Variants in PDE11A observed in about 807,000 individuals in gnomAD.
The protein encoded by PDE11A is phosphodiesterase 11A.
In PDE11A, 100 loss-of-function variants were observed where a neutral mutation model predicts 100.5. The observed-to-expected ratio is 1.00, with a 90% CI of 0.85 to 1.18. The LOEUF (loss-of-function observed/expected upper bound fraction) is 1.18, where lower values mean the gene tolerates loss of function less well. Ranked by LOEUF, PDE11A falls within the 50% of genes most tolerant of loss-of-function variation. The probability of loss-of-function intolerance (pLI) is 0.00; values close to 1 mark genes in which losing one functional copy is unlikely to be tolerated. For synonymous variants in PDE11A, 381 were observed against 420.8 expected, an observed-to-expected ratio of 0.91 and a Z score of 1.16; for missense variants, 1,141 against 1,152.6, an observed-to-expected ratio of 0.99 and a Z score of 0.15.
At chr2:178,052,318 GAACA>G (rs2086839137) in intron 1 of PDE11A, among the ~76,000 whole-genome samples, 1 of 152,200 alleles carries the variant, frequency 6.6e-6, no homozygotes, top group African/African-American at 2.4e-5. Flanking sequence ...AAACCAGTGA[GAACA>G]AAGACACAAC....
intron 2 of PDE11A, among the ~76,000 whole-genome samples, chr2:177,922,212 C>T (rs1017610586): frequency 1.3e-5 from 2 of 152,036 alleles, no homozygotes; most frequent in African/African-American, 4.8e-5. Context: ...TATTTCTAAC[C>T]CAGGTTACCC....
chr2:177,840,587 A>C (rs1042409817), intron 5 of PDE11A, among the ~76,000 whole-genome samples: 2 of 152,224 alleles, frequency 1.3e-5, no homozygotes, highest in African/African-American at 4.8e-5. Context: ...AATTAAATCC[A>C]TGGGCAGAAA....
At chr2:177,652,738 A>G (rs1186984991) in intron 19 of PDE11A, among the ~76,000 whole-genome samples, 1 of 152,194 alleles carries the variant, frequency 6.6e-6, no homozygotes, top group African/African-American at 2.4e-5. Flanking sequence ...CTAGAAACTA[A>G]TAGAGAAGAA....
chr2:177,697,854 T>G (rs1187203760), intron 14 of PDE11A, among the ~76,000 whole-genome samples: 1 of 152,238 alleles, frequency 6.6e-6, no homozygotes, highest in Non-Finnish European at 1.5e-5. Flanking sequence ...TTGGAAACAC[T>G]TGCTATGGCA....
At chr2:178,006,835 G>GGA (rs1553499863) in intron 2 of PDE11A, among the ~76,000 whole-genome samples, 269 of 151,536 alleles carry the variant, frequency 1.8e-3, no homozygotes, top group African/African-American at 5.7e-3. Context: ...GGGGGGGGGG[G>GGA]AAGCCAATGC....
In PDE11A at chr2:177,875,263, T is replaced by A. The variant is rs191690880; in HGVS notation, c.1367+596A>T. On this transcript the variant is annotated intron_variant, in intron 5 of 19. Transcript: ENST00000286063. ...ACAAACAAACAAAAATTTACAAGGT[T>A]CAGGGAAAAGAGGAAGCTAAAGGCA... Among the ~76,000 whole-genome samples, 38 of 152,120 alleles carry A rather than the reference T, an allele frequency of 2.5e-4. 1 individual carries two copies. In the East Asian group the frequency reaches 6.4e-3, roughly 25 times the overall value.
intron 5 of PDE11A, among the ~76,000 whole-genome samples, chr2:177,845,866 C>T (rs1265648682): frequency 2.0e-5 from 3 of 152,198 alleles, no homozygotes; most frequent in Non-Finnish European, 2.9e-5. Flanking sequence ...CCGTCTCCAC[C>T]AAAACCAGTC....
intron 1 of PDE11A, among the ~76,000 whole-genome samples, chr2:178,033,570 A>C (rs559724333): frequency 1.3e-5 from 2 of 152,160 alleles, no homozygotes; most frequent in African/African-American, 4.8e-5. Context: ...ATACTCCTCA[A>C]GAAGAGCAAC....
In PDE11A at chr2:177,931,332, G is replaced by A. The variant is rs573152875; in HGVS notation, c.1072-26145C>T. On this transcript the variant is annotated intron_variant, in intron 2 of 19. Coordinates refer to ENST00000286063, the MANE Select transcript of PDE11A (RefSeq NM_016953.4). ...ATATACATTTTAGCATGGCTAAACT[G>A]AGCTAATTAACATATGCATTCTCCC... 1.6e-4 allele frequency among the ~76,000 whole-genome samples: 24 copies of A among 152,266 alleles called. No individual in the cohort carries two copies. The South Asian group carries it at 3.5e-3, about 22-fold the overall frequency.
At chr2:177,850,012 T>C (rs528096037) in intron 5 of PDE11A, among the ~76,000 whole-genome samples, 1 of 152,304 alleles carries the variant, frequency 6.6e-6, no homozygotes, top group Admixed American at 6.5e-5. Flanking sequence ...ATTGACTTTC[T>C]TCACAGAATT....
intron 9 of PDE11A, among the ~76,000 whole-genome samples, chr2:177,792,592 G>A (rs997368666): frequency 6.6e-6 from 1 of 152,152 alleles, no homozygotes; most frequent in African/African-American, 2.4e-5. Context: ...GGGAGCTCCT[G>A]AAGTAAAAGG....
intron 10 of PDE11A, among the ~76,000 whole-genome samples, chr2:177,764,247 C>T (rs115691953): frequency 0.014 from 2,149 of 152,138 alleles, 41 homozygotes; most frequent in East Asian, 0.046. Context: ...TAGTCATTAA[C>T]ATTGAAAACT....
intron 2 of PDE11A, among the ~76,000 whole-genome samples, chr2:178,005,650 T>A (rs2105820887): frequency 6.6e-6 from 1 of 152,350 alleles, no homozygotes; most frequent in Non-Finnish European, 1.5e-5. Flanking sequence ...GTCTCAAACA[T>A]AATACTGTCT....
chr2:177,748,827 T>C (rs2081988469), intron 10 of PDE11A, among the ~76,000 whole-genome samples: 1 of 152,086 alleles, frequency 6.6e-6, no homozygotes, highest in Admixed American at 6.6e-5. Flanking sequence ...TCTATGAAAA[T>C]AGATGATGGA....
At chr2:178,099,273 A>G (rs1261735212) in intron 2 of PDE11A, among the ~76,000 whole-genome samples, 1 of 151,868 alleles carries the variant, frequency 6.6e-6, no homozygotes, top group Non-Finnish European at 1.5e-5. Flanking sequence ...TAAAAATACA[A>G]CAACAGCAAA....
chr2:177,721,226 C>G (rs1308169075), intron 12 of PDE11A, among the ~76,000 whole-genome samples: 1 of 152,142 alleles, frequency 6.6e-6, no homozygotes, highest in Non-Finnish European at 1.5e-5. Flanking sequence ...TGCCTAACTT[C>G]AGCAGGAATC....
At chr2:177,826,353 T>C (rs995890760) in intron 6 of PDE11A, among the ~76,000 whole-genome samples, 2 of 152,258 alleles carry the variant, frequency 1.3e-5, no homozygotes, top group African/African-American at 2.4e-5. Flanking sequence ...TATTTATTAA[T>C]GTTCAGTGTA....
intron 2 of PDE11A, chr2:177,997,167 C>G: frequency 8.8e-7 from 1 of 1,141,260 alleles, no homozygotes; most frequent in Non-Finnish European, 1.3e-6. Context: ...AAGCTCATGA[C>G]TATGCTGAAG....
Position 177,857,180 on chromosome 2 carries a change from C to G in PDE11A, c.1368-16797G>C, listed in dbSNP as rs139116713. ...GTACCAAAAGGAAAAGACTATGAAC[C>G]AAGAATTCTATATCCACTGAAACTA... On this transcript the variant is annotated intron_variant, in intron 5 of 19. Coordinates refer to ENST00000286063, the MANE Select transcript of PDE11A (RefSeq NM_016953.4). Among the ~76,000 whole-genome samples the G allele has an allele frequency of 5.9e-3, 901 of 151,864 alleles. 4 individuals carry two copies. Among genetic ancestry groups the G allele is most frequent in the Middle Eastern group, 0.014 (4 of 294 alleles).
Sources: allele counts gnomAD v4.1 joint callset (sites outside exome capture counted in the v4.1 genomes callset), GRCh38; gene constraint gnomAD v4.1.1; transcripts MANE v1.5; gene names NCBI Gene and HGNC (gene_info 2026-07-23, HGNC 2026-07-21).